Variants in ARHGAP6 observed in about 807,000 individuals in gnomAD.
ARHGAP6 encodes the protein rho GTPase-activating protein 6.
ARHGAP6 carries 16 observed loss-of-function variants against 55.7 expected under a neutral mutation model. The ratio of observed to expected loss-of-function variants is 0.29; its 90% CI spans 0.19 to 0.44. The LOEUF (loss-of-function observed/expected upper bound fraction) is 0.44, where lower values mean the gene tolerates loss of function less well. Ranked by LOEUF, ARHGAP6 falls within the 20% of genes least tolerant of loss-of-function variation. The pLI, the probability that ARHGAP6 is intolerant of heterozygous loss-of-function variation, is 1.00. For synonymous variants in ARHGAP6, 382 were observed against 360.9 expected (o/e 1.06, Z -0.66); for missense variants, 698 against 808.9 (o/e 0.86, Z 1.66).
intron 3 of ARHGAP6, among the ~76,000 whole-genome samples, chrX:11,192,711 G>A (rs1036073690): frequency 9.0e-6 from 1 of 111,635 alleles, no homozygotes; most frequent in Non-Finnish European, 1.9e-5. Context: ...AAAGAACAGT[G>A]CCAGAATTGA....
chrX:11,298,253 G>A, intron 1 of ARHGAP6: 1 of 1,211,477 alleles, frequency 8.3e-7, no homozygotes, highest in Non-Finnish European at 1.1e-6. Context: ...CCCCTTTGAA[G>A]TGGTACCAGA....
At chrX:11,325,606 A>G (rs1044332095) in intron 1 of ARHGAP6, among the ~76,000 whole-genome samples, 14 of 112,461 alleles carry the variant, frequency 1.2e-4, no homozygotes, top group African/African-American at 4.2e-4. Flanking sequence ...ACATTCCTAC[A>G]CAGATAACAT....
intron 1 of ARHGAP6, among the ~76,000 whole-genome samples, chrX:11,336,198 G>T (rs1320386308): frequency 9.0e-6 from 1 of 111,587 alleles, no homozygotes; most frequent in Non-Finnish European, 1.9e-5. Flanking sequence ...TCTGTGTGAA[G>T]TAAGTGGTGG....
At chrX:11,356,006 A>G (rs1374422817) in intron 1 of ARHGAP6, among the ~76,000 whole-genome samples, 2 of 111,780 alleles carry the variant, frequency 1.8e-5, no homozygotes, top group African/African-American at 6.5e-5. Flanking sequence ...CAAGTGCCCT[A>G]TGGTCTAATC....
chrX:11,378,263 C>T (rs761240626), intron 1 of ARHGAP6, among the ~76,000 whole-genome samples: 82 of 112,467 alleles, frequency 7.3e-4, no homozygotes, highest in Middle Eastern at 4.6e-3. Context: ...TCAACAATTT[C>T]AAGCATGCAA....
At chrX:11,203,468 A>G (rs1215523085) in intron 2 of ARHGAP6, among the ~76,000 whole-genome samples, 1 of 111,700 alleles carries the variant, frequency 9.0e-6, no homozygotes, top group East Asian at 2.8e-4. Flanking sequence ...AGTTCATCAC[A>G]TTCTCCAGCC....
chrX:11,445,680 G>A (rs949698797), intron 1 of ARHGAP6, among the ~76,000 whole-genome samples: 10 of 111,696 alleles, frequency 9.0e-5, no homozygotes, highest in African/African-American at 3.3e-4. Context: ...GCCTCCCAGA[G>A]GACATTGGGC....
intron 1 of ARHGAP6, among the ~76,000 whole-genome samples, chrX:11,287,043 A>T (rs2047929759): frequency 9.0e-6 from 1 of 111,515 alleles, no homozygotes. Context: ...ACTCAAGTGT[A>T]CCCTTTCAAC....
At chrX:11,273,428 C>A (rs1192706872) in intron 1 of ARHGAP6, among the ~76,000 whole-genome samples, 2 of 108,149 alleles carry the variant, frequency 1.8e-5, no homozygotes, top group African/African-American at 6.7e-5. Context: ...AAAAAAAAAC[C>A]AGTAGACTCA....
At chrX:11,596,837 G>A (rs2051909749) in intron 1 of ARHGAP6, among the ~76,000 whole-genome samples, 1 of 111,685 alleles carries the variant, frequency 9.0e-6, no homozygotes, top group East Asian at 2.8e-4. Flanking sequence ...TGAGTGTCTT[G>A]ATATCTCTTC....
chrX:11,451,365 C>A (rs1241260446), intron 1 of ARHGAP6, among the ~76,000 whole-genome samples: 2 of 111,914 alleles, frequency 1.8e-5, no homozygotes, highest in Non-Finnish European at 3.8e-5. Context: ...AGTATATTTT[C>A]TGTACCCCTT....
intron 1 of ARHGAP6, among the ~76,000 whole-genome samples, chrX:11,275,691 C>T (rs372655676): frequency 8.9e-5 from 10 of 111,796 alleles, no homozygotes; most frequent in South Asian, 3.8e-4. Context: ...AACACAAGAT[C>T]GCTCAAGATC....
chrX:11,331,694 C>A (rs1039622759), intron 1 of ARHGAP6, among the ~76,000 whole-genome samples: 1 of 111,852 alleles, frequency 8.9e-6, no homozygotes, highest in African/African-American at 3.2e-5. Context: ...GCCCACTAAA[C>A]AAATTCTCTA....
chrX:11,139,608 C>A, intron 12 of ARHGAP6, 78 bp from the exon 13 acceptor site: 1 of 1,015,924 alleles, frequency 9.8e-7, no homozygotes, highest in Non-Finnish European at 1.3e-6. Context: ...CTGTTATTTC[C>A]TTCCCACTTC....
chrX:11,478,186 T>C (rs1464612336), intron 1 of ARHGAP6, among the ~76,000 whole-genome samples: 1 of 111,654 alleles, frequency 9.0e-6, no homozygotes, highest in Non-Finnish European at 1.9e-5. Flanking sequence ...ATTCCACTCC[T>C]AGCTTTATAC....
At chrX:11,370,870 G>A (rs1603141479) in intron 1 of ARHGAP6, among the ~76,000 whole-genome samples, 1 of 110,564 alleles carries the variant, frequency 9.0e-6, no homozygotes, top group East Asian at 2.8e-4. Flanking sequence ...TTACATGGCA[G>A]GTCATTTTCA....
At chrX:11,604,914 C>A (rs2052016617) in intron 1 of ARHGAP6, among the ~76,000 whole-genome samples, 1 of 111,864 alleles carries the variant, frequency 8.9e-6, no homozygotes, top group Admixed American at 9.5e-5. Context: ...GAAGTGTAAT[C>A]TTTGGACAGC....
At chrX:11,369,232 C>A (rs986772811) in intron 1 of ARHGAP6, among the ~76,000 whole-genome samples, 3 of 110,939 alleles carry the variant, frequency 2.7e-5, no homozygotes, top group African/African-American at 9.8e-5. Flanking sequence ...AGTATCTCTA[C>A]GGACTTTCAG....
Position 11,164,695 on chromosome X carries a change from C to T in ARHGAP6, c.1809+4810G>A, listed in dbSNP as rs910891915. 5.4e-5 allele frequency among the ~76,000 whole-genome samples: 6 copies of T among 111,929 alleles called. No individual in the cohort carries two copies. In the South Asian group the frequency reaches 1.1e-3, roughly 21 times the overall value. On this transcript the variant is annotated intron_variant, in intron 9 of 12. Transcript: ENST00000337414. ...GGGTGGGAACACACTGGCTTTCCCA[C>T]GTCTCCACTGCACTCCGGACTTTTC...
Sources: allele counts gnomAD v4.1 joint callset (sites outside exome capture counted in the v4.1 genomes callset), GRCh38; gene constraint gnomAD v4.1.1; transcripts MANE v1.5; gene names NCBI Gene and HGNC (gene_info 2026-07-23, HGNC 2026-07-21).